Variants in PCDH15 observed in about 807,000 individuals in gnomAD.
PCDH15 encodes the protein protocadherin related 15, also known as protocadherin-15.
Under a neutral mutation model 178.5 loss-of-function variants are expected in PCDH15, and 129 were observed. The observed-to-expected ratio is 0.72, with a 90% CI of 0.63 to 0.84. The LOEUF is 0.84. PCDH15 is among the 40% of genes least tolerant of loss of function. The pLI, the probability that PCDH15 is intolerant of heterozygous loss-of-function variation, is 0.00. For synonymous variants in PCDH15, 800 were observed against 732.0 expected, an observed-to-expected ratio of 1.09 and a Z score of -1.50; for missense variants, 2,230 against 2,099.9, an observed-to-expected ratio of 1.06 and a Z score of -1.21.
chr10:53,887,019 T>C (rs757384481), intron 26 of PCDH15, among the ~76,000 whole-genome samples: 1 of 152,206 alleles, frequency 6.6e-6, no homozygotes, highest in Non-Finnish European at 1.5e-5. Context: ...CATGTTGGCA[T>C]GATTATGCAA....
At chr10:54,746,478 T>C (rs997778877) in intron 1 of PCDH15, among the ~76,000 whole-genome samples, 2 of 152,170 alleles carry the variant, frequency 1.3e-5, no homozygotes, top group Non-Finnish European at 2.9e-5. Context: ...GTGGATTGTT[T>C]GTAACAGAAA....
chr10:54,742,743 G>T (rs191157342), intron 1 of PCDH15, among the ~76,000 whole-genome samples: 4 of 152,074 alleles, frequency 2.6e-5, no homozygotes, highest in Non-Finnish European at 5.9e-5. Context: ...AGTCCCAAGG[G>T]TACTTTCCTA....
rs1364366843 is a variant in PCDH15 at position 54,717,200 on chromosome 10, G to A, written c.-28-52910C>T. Among the ~76,000 whole-genome samples the A allele has an allele frequency of 1.3e-3, 161 of 125,862 alleles. 13 individuals are homozygous for A. Among genetic ancestry groups the A allele is most frequent in the African/African-American group, 4.8e-3 (153 of 31,878 alleles). 82.6% of individuals were successfully genotyped at this position (125,862 alleles called of 152,430 possible). A position where few individuals can be genotyped will look rare whatever the true frequency, so the allele number is the denominator to read the frequency against. ...ATTACCATTCAGGACATAGGCATGGGCAAGGACTTCATGTCCAAAACACCA... is the reference window on the plus strand; with the variant it reads ...ATTACCATTCAGGACATAGGCATGGACAAGGACTTCATGTCCAAAACACCA... On this transcript the variant is annotated intron_variant, in intron 1 of 37. Transcript: ENST00000644397.
At chr10:54,582,605 C>A (rs2091137407) in intron 2 of PCDH15, among the ~76,000 whole-genome samples, 2 of 151,978 alleles carry the variant, frequency 1.3e-5, no homozygotes, top group Non-Finnish European at 2.9e-5. Flanking sequence ...CTAGATGCCA[C>A]CCAATTTAAG....
At chr10:54,910,666 C>T (rs1033286422) in intron 2 of PCDH15, among the ~76,000 whole-genome samples, 1 of 152,096 alleles carries the variant, frequency 6.6e-6, no homozygotes, top group African/African-American at 2.4e-5. Context: ...ATTGATAATA[C>T]CTACTCCAAC....
chr10:55,126,104 T>A (rs1382169859), intron 2 of PCDH15, among the ~76,000 whole-genome samples: 1 of 152,016 alleles, frequency 6.6e-6, no homozygotes, highest in Non-Finnish European at 1.5e-5. Context: ...ACTCAGCCTT[T>A]TCCTCTCCCT....
intron 2 of PCDH15, among the ~76,000 whole-genome samples, chr10:55,358,747 C>A (rs930121207): frequency 6.6e-6 from 1 of 150,576 alleles, no homozygotes; most frequent in African/African-American, 2.5e-5. Flanking sequence ...CCCACTGACA[C>A]CGCAACTACA....
intron 3 of PCDH15, among the ~76,000 whole-genome samples, chr10:54,822,803 T>A (rs531180636): frequency 6.6e-6 from 1 of 152,120 alleles, no homozygotes; most frequent in Non-Finnish European, 1.5e-5. Context: ...TTGTTACTTG[T>A]CTTTTTGTTA....
intron 26 of PCDH15, among the ~76,000 whole-genome samples, chr10:53,868,413 T>C (rs553915157): frequency 6.6e-6 from 1 of 152,222 alleles, no homozygotes; most frequent in South Asian, 2.1e-4. Flanking sequence ...GAGGAATATA[T>C]TGTTTTACTT....
chr10:55,250,833 C>T (rs1180353689), intron 1 of PCDH15, among the ~76,000 whole-genome samples: 1 of 151,992 alleles, frequency 6.6e-6, no homozygotes, highest in Admixed American at 6.6e-5. Context: ...CCATGCCCAG[C>T]CAATAAATTC....
intron 26 of PCDH15, among the ~76,000 whole-genome samples, chr10:53,876,481 C>T (rs896612310): frequency 1.1e-4 from 16 of 152,104 alleles, no homozygotes; most frequent in Admixed American, 3.9e-4. Flanking sequence ...CCACCGCGCC[C>T]GGCCAACTCT....
chr10:54,591,366 G>A (rs990617186), intron 2 of PCDH15, among the ~76,000 whole-genome samples: 1 of 152,148 alleles, frequency 6.6e-6, no homozygotes, highest in Non-Finnish European at 1.5e-5. Flanking sequence ...TAGAAGAATG[G>A]CAGGCAAATG....
chr10:54,674,818 G>A (rs373363523), intron 1 of PCDH15, among the ~76,000 whole-genome samples: 15 of 152,132 alleles, frequency 9.9e-5, no homozygotes, highest in South Asian at 4.1e-4. Context: ...TCAAACTCAT[G>A]TTGTCCAAGG....
chr10:54,719,284 G>T (rs964766513), intron 1 of PCDH15, among the ~76,000 whole-genome samples: 7 of 152,056 alleles, frequency 4.6e-5, no homozygotes, highest in Non-Finnish European at 1.0e-4. Flanking sequence ...CTGGAAGACA[G>T]ATCTTTTCAA....
At chr10:54,691,415 T>G (rs2095118222) in intron 1 of PCDH15, among the ~76,000 whole-genome samples, 1 of 152,044 alleles carries the variant, frequency 6.6e-6, no homozygotes, top group Non-Finnish European at 1.5e-5. Flanking sequence ...CCCATTGTAT[T>G]CCTATAAATT....
Position 54,066,854 on chromosome 10 carries a change from G to A in PCDH15, c.2123C>T (p.Thr708Ile). 6.2e-7 allele frequency: 1 copy of A among 1,613,264 alleles called. No individual in the cohort carries two copies. The highest frequency in any genetic ancestry group is 8.5e-7 in the Non-Finnish European group (1 of 1,179,524). ...TSTATVNIVV[T>I]DVNDNAPVFD... is the part of the protein sequence containing the mutation. ...CACTGGAGCATTGTCATTGACATCT[G>A]TCACCACTATGTTTACTGTGGCAGT... Residue 708 changes from threonine (T) to isoleucine (I), a missense_variant, in exon 18 of 38, where the codon ACA becomes ATA. Transcript: ENST00000644397.
chr10:53,930,194 C>T (rs755330992), intron 25 of PCDH15, among the ~76,000 whole-genome samples: 2 of 151,440 alleles, frequency 1.3e-5, no homozygotes, highest in Non-Finnish European at 2.9e-5. Flanking sequence ...CGCGGTGGTT[C>T]ACGCCTGTAA....
chr10:54,782,251 G>C (rs1422786138), intron 1 of PCDH15, among the ~76,000 whole-genome samples: 5 of 151,994 alleles, frequency 3.3e-5, no homozygotes, highest in Non-Finnish European at 5.9e-5. Context: ...AACAAGCAGG[G>C]ACTTTGCAGC....
chr10:55,092,867 TA>T (rs1304429113), intron 2 of PCDH15, among the ~76,000 whole-genome samples: 1 of 151,886 alleles, frequency 6.6e-6, no homozygotes, highest in African/African-American at 2.4e-5. Flanking sequence ...ACATCACAAG[TA>T]AGAAACTGTT....
Sources: allele counts gnomAD v4.1 joint callset (sites outside exome capture counted in the v4.1 genomes callset), GRCh38; gene constraint gnomAD v4.1.1; transcripts MANE v1.5; gene names NCBI Gene and HGNC (gene_info 2026-07-23, HGNC 2026-07-21).